MOB4: variants seen among roughly 807,000 people sequenced by gnomAD.
The protein encoded by MOB4 is MOB-like protein phocein.
A neutral mutation model predicts 32.2 loss-of-function variants in MOB4; 4 were observed. The ratio of observed to expected loss-of-function variants is 0.12; its 90% CI spans 0.06 to 0.28. The LOEUF is 0.28. Ranked by LOEUF, MOB4 falls within the 10% of genes least tolerant of loss-of-function variation. The pLI, the probability that MOB4 is intolerant of heterozygous loss-of-function variation, is 1.00. For synonymous variants in MOB4, 88 were observed against 88.1 expected, an observed-to-expected ratio of 1.00 and a Z score of 0.01; for missense variants, 158 against 271.2, an observed-to-expected ratio of 0.58 and a Z score of 2.93.
chr2:197,521,165 T>A (rs948116953), intron 1 of MOB4, among the ~76,000 whole-genome samples: 1 of 152,084 alleles, frequency 6.6e-6, no homozygotes, highest in Non-Finnish European at 1.5e-5. Context: ...TCCCTAAGCA[T>A]CAGCCAGTTT....
At chr2:197,524,507 T>C (rs991455610) in intron 2 of MOB4, among the ~76,000 whole-genome samples, 1 of 137,848 alleles carries the variant, frequency 7.3e-6, no homozygotes, top group African/African-American at 2.8e-5. Flanking sequence ...CACTCCAGCC[T>C]GGCCAAAAGC....
Position 197,550,525 on chromosome 2 carries a change from T to A in MOB4, c.557T>A (p.Phe186Tyr), listed in dbSNP as rs2087079907. The A allele has an allele frequency of 1.3e-6, 2 of 1,598,748 alleles. No individual in the cohort carries two copies. Among genetic ancestry groups the A allele is most frequent in the Non-Finnish European group, 1.7e-6 (2 of 1,175,090 alleles). Residue 186 changes from phenylalanine to tyrosine, a missense_variant, in exon 8 of 8, where the codon TTT (phenylalanine) becomes TAT (tyrosine). By Grantham distance (22) the Phe-to-Tyr change is conservative. This residue lies in a region of MOB4 where 45 missense variants were observed against 65.6 expected (regional missense o/e 0.69). Coordinates refer to ENST00000323303, the MANE Select transcript of MOB4 (RefSeq NM_015387.5). ...QIFDEYENET[F>Y]LCHRFTKFVM... The stretch of plus-strand genomic sequence containing the variant: ...TCTTCCTCTCTACAGAATGAAACAT[T>A]TTTGTGTCATCGGTTTACTAAGTTT...
rs766571595 is a variant in MOB4, at chr2:197,551,498, A to C, written c.*852A>C. ...CATATTAGCAATTACATTACACTAC[A>C]AGAAAATGTATTTGCATAGGCTCTT... On this transcript the variant is annotated 3_prime_UTR_variant, in exon 8 of 8. Transcript: ENST00000323303. The C allele has an allele frequency of 2.6e-4, 40 of 152,788 alleles. No individual in the cohort carries two copies. The highest frequency in any genetic ancestry group is 5.6e-4 in the Non-Finnish European group (38 of 68,028). The allele number at this position is 152,788 out of a possible 1,614,324, so 9.5% of individuals were successfully genotyped here.
At chr2:197,516,705 A>G (rs993460869) in intron 1 of MOB4, 4 of 471,442 alleles carry the variant, frequency 8.5e-6, no homozygotes, top group Non-Finnish European at 1.8e-5. Flanking sequence ...CTTTCCCTGG[A>G]GCTGTTCTCT....
chr2:197,522,626 C>T (rs2086542080), intron 1 of MOB4, among the ~76,000 whole-genome samples: 1 of 152,030 alleles, frequency 6.6e-6, no homozygotes, highest in Admixed American at 6.6e-5. Context: ...CCACCATGCC[C>T]AGTCTGATGA....
At chr2:197,516,373 G>A in intron 1 of MOB4, 2 of 1,414,418 alleles carry the variant, frequency 1.4e-6, no homozygotes, top group Non-Finnish European at 1.8e-6. Context: ...TGAGGGGCGG[G>A]TGGGGTCTGC....
At chr2:197,522,113 C>T (rs2086530639) in intron 1 of MOB4, among the ~76,000 whole-genome samples, 1 of 152,180 alleles carries the variant, frequency 6.6e-6, no homozygotes, top group Non-Finnish European at 1.5e-5. Context: ...TCACAATCCA[C>T]ATTCTTCTGC....
chr2:197,525,317 C>A (rs999276588), intron 2 of MOB4, among the ~76,000 whole-genome samples: 2 of 149,414 alleles, frequency 1.3e-5, no homozygotes, highest in African/African-American at 5.0e-5. Context: ...CACTGCACTC[C>A]AGCTTGGGGG....
chr2:197,535,433 C>T, intron 2 of MOB4, 97 bp from the exon 3 acceptor site: 1 of 1,148,602 alleles, frequency 8.7e-7, no homozygotes. Context: ...CAAGTTGAAC[C>T]ACAAGAGCAG....
intron 5 of MOB4, among the ~76,000 whole-genome samples, chr2:197,547,083 CT>C (rs1277129218): frequency 6.8e-6 from 1 of 146,548 alleles, no homozygotes. Context: ...TTCTTTCTTT[CT>C]TTTTTTTAAA....
chr2:197,543,845 T>C (rs537264640), intron 5 of MOB4, among the ~76,000 whole-genome samples: 36 of 151,960 alleles, frequency 2.4e-4, no homozygotes, highest in Middle Eastern at 3.4e-3. Flanking sequence ...TTCAGGCGAT[T>C]CTCCTGTCTC....
At chr2:197,546,781 G>A (rs553580750) in intron 5 of MOB4, among the ~76,000 whole-genome samples, 1 of 152,310 alleles carries the variant, frequency 6.6e-6, no homozygotes, top group Admixed American at 6.5e-5. Flanking sequence ...CCAACCCTCT[G>A]TGCAGCTGAA....
chr2:197,520,383 C>A (rs954761225), intron 1 of MOB4, among the ~76,000 whole-genome samples: 1 of 152,062 alleles, frequency 6.6e-6, no homozygotes, highest in African/African-American at 2.4e-5. Flanking sequence ...TCATGATCCG[C>A]CTGCCTCGGC....
Position 197,540,440 on chromosome 2 carries a change from G to A in MOB4, c.354+3G>A, listed in dbSNP as rs766006278. ...CAGCTCATAAAACTCCAAAAGAGGTGAGGATTTATGAAATAGAGTAACTAA... is the reference window on the plus strand; with the variant it reads ...CAGCTCATAAAACTCCAAAAGAGGTAAGGATTTATGAAATAGAGTAACTAA... On this transcript the variant is annotated splice_donor_region_variant and intron_variant, in intron 5 of 7. Transcript: ENST00000323303. The A allele has an allele frequency of 1.9e-6, 3 of 1,569,028 alleles. No homozygotes were observed. The highest frequency in any genetic ancestry group is 2.5e-5 in the South Asian group (2 of 81,400).
At chr2:197,548,118 C>T (rs1461299990) in intron 5 of MOB4, among the ~76,000 whole-genome samples, 1 of 152,086 alleles carries the variant, frequency 6.6e-6, no homozygotes, top group Admixed American at 6.5e-5. Context: ...AAATGGGAGA[C>T]TGGTTTATGT....
At chr2:197,533,749 A>AAAAT in intron 2 of MOB4, 1 of 323,598 alleles carries the variant, frequency 3.1e-6, no homozygotes, top group Admixed American at 4.0e-5. Context: ...AAAAAAAAGT[A>AAAAT]TTTGATCCCT....
intron 2 of MOB4, 122 bp downstream of exon 2, chr2:197,523,808 T>C: frequency 1.1e-6 from 1 of 884,004 alleles, no homozygotes; most frequent in South Asian, 2.4e-5. Context: ...GCGTGCTCTT[T>C]CACAAAACAA....
chr2:197,525,347 CAAAA>C (rs766280342), intron 2 of MOB4, among the ~76,000 whole-genome samples: 1 of 113,482 alleles, frequency 8.8e-6, no homozygotes, highest in Non-Finnish European at 1.9e-5. Context: ...GACTCCATCT[CAAAA>C]AAAAAAAAAA....
intron 1 of MOB4, chr2:197,516,463 C>T (rs1458143378): frequency 8.8e-7 from 1 of 1,134,926 alleles, no homozygotes. Flanking sequence ...CCCTGAGCCC[C>T]AGCTGACTAG....
Sources: allele counts gnomAD v4.1 joint callset (sites outside exome capture counted in the v4.1 genomes callset), GRCh38; gene constraint gnomAD v4.1.1; regional missense constraint gnomAD v4.1.1; transcripts MANE v1.5; gene names NCBI Gene and HGNC (gene_info 2026-07-23, HGNC 2026-07-21).